Variants in COQ10A observed in about 807,000 individuals in gnomAD.
The protein encoded by COQ10A is coenzyme Q-binding protein COQ10 homolog A, mitochondrial.
In COQ10A, 25 loss-of-function variants were observed where a neutral mutation model predicts 26.1. That is an observed-to-expected ratio of 0.96 (90% confidence interval 0.70 to 1.34). The LOEUF (loss-of-function observed/expected upper bound fraction) is 1.34. COQ10A is among the 40% of genes most tolerant of loss of function. The pLI, the probability that COQ10A is intolerant of heterozygous loss-of-function variation, is 0.00. For missense variants in COQ10A, 312 were observed against 335.4 expected (o/e 0.93, Z 0.54); for synonymous variants, 132 against 124.0 (o/e 1.06, Z -0.43).
chr12:56,267,084 C>T lies in COQ10A; in HGVS notation c.-35C>T. On this transcript the variant is annotated 5_prime_UTR_variant, in exon 1 of 5. Transcript: ENST00000308197. ...TTTGGAGTGAGGAGGGCGCAGCCCG[C>T]GTCAGAACTTAGAGGGCCAGGCAGG... The T allele has an allele frequency of 7.9e-7, 1 of 1,265,166 alleles. No individual in the cohort carries two copies. Among genetic ancestry groups the T allele is most frequent in the African/African-American group, 1.6e-5 (1 of 63,924 alleles). 78.4% of individuals were successfully genotyped at this position (1,265,166 alleles called of 1,614,324 possible).
chr12:56,267,532 C>T, intron 1 of COQ10A: 2 of 1,460,626 alleles, frequency 1.4e-6, no homozygotes, highest in Admixed American at 1.7e-5. Flanking sequence ...TAGTGTAGGC[C>T]CAGTCAAAGG....
intron 4 of COQ10A, 128 bp from the exon 5 acceptor site, chr12:56,270,022 C>T (rs1433663434): frequency 1.1e-6 from 1 of 891,094 alleles, no homozygotes; most frequent in Non-Finnish European, 1.8e-6. Context: ...CAAGTTAGGG[C>T]TCTTACGGGG....
Position 56,267,117 on chromosome 12 carries a change from G to A in COQ10A, c.-2G>A, listed in dbSNP as rs1189206152. ...CTTAGAGGGCCAGGCAGGGTCGCGC[G>A]CATGGCCTGGGCGGGCTCGCGGCGG... On this transcript the variant is annotated 5_prime_UTR_variant, in exon 1 of 5. Transcript: ENST00000308197. The A allele has an allele frequency of 3.1e-6, 4 of 1,290,592 alleles. No individual in the cohort carries two copies. Among genetic ancestry groups the A allele is most frequent in the Admixed American group, 4.1e-5 (1 of 24,152 alleles). The allele number at this position is 1,290,592 out of a possible 1,614,324, so 79.9% of individuals were successfully genotyped here.
chr12:56,270,130 T>C lies in COQ10A; in HGVS notation c.577-20T>C. ...CCAACATGGTCTGGAAGTTTCTGAC[T>C]GTCTCTTACCCATTCCCAGATTTCC... is the stretch of plus-strand genomic sequence containing the variant. On this transcript the variant is annotated intron_variant, in intron 4 of 4. Transcript: ENST00000308197. The C allele has an allele frequency of 6.2e-7, 1 of 1,608,024 alleles. No homozygotes were observed. Among genetic ancestry groups the C allele is most frequent in the Non-Finnish European group, 8.5e-7 (1 of 1,175,348 alleles).
chr12:56,268,170 C>T (rs1872407149), intron 2 of COQ10A: 2 of 587,736 alleles, frequency 3.4e-6, no homozygotes, highest in Admixed American at 3.1e-5. Flanking sequence ...TTGGACTATA[C>T]TTTAAGACAA....
chr12:56,270,159 G>C lies in COQ10A; in HGVS notation c.586G>C (p.Glu196Gln). Residue 196 changes from glutamate to glutamine, a missense_variant, in exon 5 of 5, where the codon GAA becomes CAA. Transcript: ENST00000308197. Reference protein sequence around the residue: ...TCTVDFSISFEFRSLLHSQLA... With the variant: ...TCTVDFSISFQFRSLLHSQLA... Reference sequence around the variant, plus strand: ...TCTTACCCATTCCCAGATTTCCTTTGAATTTCGTTCTCTGCTGCACTCCCA... The same window carrying C: ...TCTTACCCATTCCCAGATTTCCTTTCAATTTCGTTCTCTGCTGCACTCCCA... 2 of 1,613,704 alleles carry C rather than the reference G, an allele frequency of 1.2e-6. No individual in the cohort carries two copies. Among genetic ancestry groups the C allele is most frequent in the Non-Finnish European group, 1.7e-6 (2 of 1,179,698 alleles).
rs1480016307 is a variant in COQ10A at position 56,267,883 on chromosome 12, G to A, written c.224G>A (p.Gly75Glu). The A allele has an allele frequency of 6.2e-7, 1 of 1,614,056 alleles. No individual in the cohort carries two copies. The highest frequency in any genetic ancestry group is 1.3e-5 in the African/African-American group (1 of 74,906). Residue 75 changes from glycine to glutamate, a missense_variant, in exon 2 of 5, where the codon GGA becomes GAA. Physicochemically the swap from Gly to Glu is moderately conservative, Grantham distance 98. Transcript: ENST00000308197. ...AGLPSSRSFM[G>E]FAAPFTNKRK... is the part of the protein sequence containing the mutation. ...TTACCTTCGAGCCGTTCCTTCATGGGATTTGCTGCTCCCTTCACCAACAAG... is the reference window on the plus strand; with the variant it reads ...TTACCTTCGAGCCGTTCCTTCATGGAATTTGCTGCTCCCTTCACCAACAAG...
At position 56,270,202 on chromosome 12, in the gene COQ10A, T is replaced by C. The variant is rs759222537; in HGVS notation, c.629T>C (p.Phe210Ser). The C allele has an allele frequency of 1.1e-5, 18 of 1,614,050 alleles. No individual in the cohort carries two copies. Among genetic ancestry groups the C allele is most frequent in the Admixed American group, 1.7e-5 (1 of 59,992 alleles). ...CACTCCCAGCTGGCCACCATGTTTT[T>C]TGATGAGGTTGTCAAACAGAATGTT... Reference protein sequence around the residue: ...LLHSQLATMFFDEVVKQNVAA... With the variant: ...LLHSQLATMFSDEVVKQNVAA... Residue 210 changes from phenylalanine (F) to serine (S), a missense_variant, in exon 5 of 5, where the codon TTT becomes TCT. Transcript: ENST00000308197.
At position 56,270,496 on chromosome 12, in the gene COQ10A, C is replaced by A; in HGVS notation, c.*179C>A. ...TGGAAATGTTGGGGGAAAGAGAAGG[C>A]AAAGGATGTGGAAATGAGATGTGCT... is the stretch of plus-strand genomic sequence containing the variant. On this transcript the variant is annotated 3_prime_UTR_variant, in exon 5 of 5. Coordinates refer to ENST00000308197, the MANE Select transcript of COQ10A (RefSeq NM_144576.4). 1.5e-6 allele frequency: 1 copy of A among 659,204 alleles called. No homozygotes were observed. The highest frequency in any genetic ancestry group is 2.5e-6 in the Non-Finnish European group (1 of 396,144). 40.8% of individuals were successfully genotyped at this position (659,204 alleles called of 1,614,324 possible).
Position 56,269,096 on chromosome 12 carries a change from G to T in COQ10A, c.319G>T (p.Val107Phe). The change falls in exon 3 of 5, where the codon GTC (valine) becomes TTC (phenylalanine). Residue 107 changes from valine (V) to phenylalanine (F), a missense_variant. Coordinates refer to ENST00000308197, the MANE Select transcript of COQ10A (RefSeq NM_144576.4). The stretch of plus-strand genomic sequence containing the variant: ...GGAGATGTATGAGGTGGTGTCCAAC[G>T]TCCAGGAGTATCGTGAGTTTGTGCC... ...MQEMYEVVSN[V>F]QEYREFVPWC... 1 of 1,614,028 alleles carries T rather than the reference G, an allele frequency of 6.2e-7. No homozygotes were observed. The highest frequency in any genetic ancestry group is 8.5e-7 in the Non-Finnish European group (1 of 1,180,002).
chr12:56,270,244 G>A lies in COQ10A; in HGVS notation c.671G>A (p.Arg224Gln), dbSNP rs369959031. ...CAGAATGTTGCTGCCTTTGAGCGTC[G>A]GGCAGCCACCAAGTTTGGTCCAGAA... ...VKQNVAAFER[R>Q]AATKFGPETA... The change falls in exon 5 of 5, where the codon CGG (arginine) becomes CAG (glutamine). Residue 224 changes from arginine to glutamine, a missense_variant. Transcript: ENST00000308197. 5.9e-5 allele frequency: 96 copies of A among 1,613,878 alleles called. No individual in the cohort carries two copies. The highest frequency in any genetic ancestry group is 7.1e-5 in the Non-Finnish European group (84 of 1,179,986).
rs1410134706 is a variant in COQ10A, at chr12:56,267,105, G to A, written c.-14G>A. 11 of 1,284,554 alleles carry A rather than the reference G, an allele frequency of 8.6e-6. No individual in the cohort carries two copies. Among genetic ancestry groups the A allele is most frequent in the Non-Finnish European group, 1.1e-5 (11 of 1,020,750 alleles). 79.6% of individuals were successfully genotyped at this position (1,284,554 alleles called of 1,614,324 possible). A position where few individuals can be genotyped will look rare whatever the true frequency, so the allele number is the denominator to read the frequency against. ...CCCGCGTCAGAACTTAGAGGGCCAGGCAGGGTCGCGCGCATGGCCTGGGCG... is the reference window on the plus strand; with the variant it reads ...CCCGCGTCAGAACTTAGAGGGCCAGACAGGGTCGCGCGCATGGCCTGGGCG... On this transcript the variant is annotated 5_prime_UTR_variant, in exon 1 of 5. Coordinates refer to ENST00000308197, the MANE Select transcript of COQ10A (RefSeq NM_144576.4).
At chr12:56,269,280 G>C (rs1459130631) in intron 3 of COQ10A, 29 bp downstream of exon 3, 1 of 1,602,754 alleles carries the variant, frequency 6.2e-7, no homozygotes, top group Admixed American at 1.7e-5. Context: ...GGATTGACAA[G>C]ATTTTTTGTT....
At chr12:56,268,301 T>C (rs1872410045) in intron 2 of COQ10A, 1 of 208,998 alleles carries the variant, frequency 4.8e-6, no homozygotes, top group Non-Finnish European at 9.8e-6. Context: ...TGAAACCCTG[T>C]CTCCACTAAA....
Position 56,270,736 on chromosome 12 carries a change from T to C in COQ10A, c.*419T>C, listed in dbSNP as rs1299215106. On this transcript the variant is annotated 3_prime_UTR_variant, in exon 5 of 5. Transcript: ENST00000308197. ...TAAGTAACTTTTACCCTGCCTGAGA[T>C]TCCTCAGGAGAAAAGGCAACCTGCC... The C allele has an allele frequency of 6.5e-6, 1 of 154,100 alleles. No homozygotes were observed. The highest frequency in any genetic ancestry group is 1.4e-5 in the Non-Finnish European group (1 of 69,420). 9.5% of individuals were successfully genotyped at this position (154,100 alleles called of 1,614,324 possible). A position where few individuals can be genotyped will look rare whatever the true frequency, so the allele number is the denominator to read the frequency against.
intron 2 of COQ10A, 96 bp from the exon 3 acceptor site, chr12:56,268,963 C>A: frequency 2.2e-6 from 2 of 923,102 alleles, no homozygotes; most frequent in South Asian, 3.0e-5. Context: ...CCTGAAGGTG[C>A]GTGGTTAGTG....
rs1872402693 is a variant in COQ10A, at chr12:56,268,002, G to A, written c.281+62G>A. The A allele has an allele frequency of 6.9e-6, 11 of 1,589,922 alleles. No individual in the cohort carries two copies. In the South Asian group the frequency reaches 1.0e-4, roughly 15 times the overall value. ...TTTCCCTCCAAATAACCCTGTCCAG[G>A]CAAGAATGTCAGGGTATCATCGGTG... On this transcript the variant is annotated intron_variant, in intron 2 of 4. Coordinates refer to ENST00000308197, the MANE Select transcript of COQ10A (RefSeq NM_144576.4).
In COQ10A at chr12:56,269,594, G is replaced by A. The variant is rs527396492; in HGVS notation, c.576+33G>A. 2.3e-5 allele frequency: 33 copies of A among 1,415,536 alleles called. No homozygotes were observed. The Admixed American group carries it at 4.0e-4, about 17-fold the overall frequency. The allele number at this position is 1,415,536 out of a possible 1,614,324, so 87.7% of individuals were successfully genotyped here. A position where few individuals can be genotyped will look rare whatever the true frequency, so the allele number is the denominator to read the frequency against. ...AGGAGGTTGTGTAGCAGAGGACGAGGACTGGGTATGAGGAAGGGCTGGGGT... is the reference window on the plus strand; with the variant it reads ...AGGAGGTTGTGTAGCAGAGGACGAGAACTGGGTATGAGGAAGGGCTGGGGT... On this transcript the variant is annotated intron_variant, in intron 4 of 4. Coordinates refer to ENST00000308197, the MANE Select transcript of COQ10A (RefSeq NM_144576.4).
In COQ10A at chr12:56,267,845, G is replaced by A; in HGVS notation, c.186G>A (p.Ala62=). ...TGCCTCGGGCTGCCCAGATCTTGGCGGCTGAGGCTGGCTTACCTTCGAGCC... is the reference window on the plus strand; with the variant it reads ...TGCCTCGGGCTGCCCAGATCTTGGCAGCTGAGGCTGGCTTACCTTCGAGCC... ...LLLPRAAQIL[A]AEAGLPSSRS... Residue 62 remains alanine (A), a synonymous_variant, in exon 2 of 5, where the codon GCG becomes GCA. Transcript: ENST00000308197. The A allele has an allele frequency of 6.2e-7, 1 of 1,614,146 alleles. No individual in the cohort carries two copies. The highest frequency in any genetic ancestry group is 8.5e-7 in the Non-Finnish European group (1 of 1,180,032).
Sources: allele counts gnomAD v4.1 joint callset, GRCh38; gene constraint gnomAD v4.1.1; transcripts MANE v1.5; gene names NCBI Gene and HGNC (gene_info 2026-07-23, HGNC 2026-07-21).